ADAMTS3: variants seen among roughly 807,000 people sequenced by gnomAD.
ADAMTS3 encodes the protein ADAM metallopeptidase with thrombospondin type 1 motif 3.
Under a neutral mutation model 129.0 loss-of-function variants are expected in ADAMTS3, and 73 were observed. That is an observed-to-expected ratio of 0.57 (90% CI 0.47 to 0.69). The LOEUF is 0.69. Ranked by LOEUF, ADAMTS3 falls within the 30% of genes least tolerant of loss-of-function variation. ADAMTS3 has a pLI of 0.00. For missense variants in ADAMTS3, 1,457 were observed against 1,514.5 expected, an observed-to-expected ratio of 0.96 and a Z score of 0.63; for synonymous variants, 477 against 510.8, an observed-to-expected ratio of 0.93 and a Z score of 0.89.
chr4:72,497,795 T>C (rs1431934640), intron 3 of ADAMTS3, among the ~76,000 whole-genome samples: 1 of 151,962 alleles, frequency 6.6e-6, no homozygotes, highest in African/African-American at 2.4e-5. Flanking sequence ...CCAGCCTAAT[T>C]TTAACTTCAT....
intron 3 of ADAMTS3, among the ~76,000 whole-genome samples, chr4:72,493,403 T>C (rs890924766): frequency 5.9e-5 from 9 of 151,998 alleles, no homozygotes; most frequent in Non-Finnish European, 1.0e-4. Flanking sequence ...TTTTTCTTTG[T>C]GGTTAGCTCA....
At chr4:72,306,144 T>C in intron 15 of ADAMTS3, 77 bp from the exon 16 acceptor site, 2 of 1,016,360 alleles carry the variant, frequency 2.0e-6, no homozygotes, top group Non-Finnish European at 2.9e-6. Flanking sequence ...GAGCACTACA[T>C]TCTTACTGCT....
intron 6 of ADAMTS3, among the ~76,000 whole-genome samples, chr4:72,321,729 G>C (rs531401561): frequency 2.0e-5 from 3 of 152,032 alleles, no homozygotes; most frequent in Admixed American, 6.6e-5. Context: ...TGAAATCTTA[G>C]TCTATGGAGA....
At chr4:72,539,206 A>T (rs1265553552) in intron 3 of ADAMTS3, among the ~76,000 whole-genome samples, 4 of 152,160 alleles carry the variant, frequency 2.6e-5, no homozygotes, top group Non-Finnish European at 5.9e-5. Flanking sequence ...AGACGCTATT[A>T]ACAGAGTAAA....
chr4:72,293,663 G>C (rs1006906295), intron 19 of ADAMTS3, among the ~76,000 whole-genome samples: 7 of 152,026 alleles, frequency 4.6e-5, no homozygotes, highest in African/African-American at 1.4e-4. Context: ...CACGAGCCAC[G>C]ACTGTAAGGC....
In ADAMTS3 at chr4:72,525,515, T is replaced by G. The variant is rs541007601; in HGVS notation, c.504+22963A>C. Among the ~76,000 whole-genome samples, 13 of 152,292 alleles carry G rather than the reference T, an allele frequency of 8.5e-5. No homozygotes were observed. In the South Asian group the frequency reaches 2.7e-3, roughly 32 times the overall value. Reference sequence around the variant, plus strand: ...TAGAACTGACACTTAAAATAAACTTTTAGGAATACATGTGCTCACCTTCTT... The same window carrying G: ...TAGAACTGACACTTAAAATAAACTTGTAGGAATACATGTGCTCACCTTCTT... On this transcript the variant is annotated intron_variant, in intron 3 of 21. Transcript: ENST00000286657.
intron 17 of ADAMTS3, among the ~76,000 whole-genome samples, chr4:72,302,151 C>T (rs1465029038): frequency 6.6e-6 from 1 of 151,872 alleles, no homozygotes; most frequent in African/African-American, 2.4e-5. Flanking sequence ...AGACACCTTA[C>T]AATTTATCTT....
intron 19 of ADAMTS3, among the ~76,000 whole-genome samples, chr4:72,293,525 C>T (rs1339069107): frequency 1.3e-5 from 2 of 152,120 alleles, no homozygotes; most frequent in Non-Finnish European, 2.9e-5. Context: ...TTTAAACTGG[C>T]TTACACTCCC....
At chr4:72,327,708 C>T (rs963285057) in intron 5 of ADAMTS3, among the ~76,000 whole-genome samples, 1 of 152,152 alleles carries the variant, frequency 6.6e-6, no homozygotes, top group Non-Finnish European at 1.5e-5. Context: ...GGCCACAATG[C>T]TGTCGTTATA....
At chr4:72,552,195 G>A (rs1721661974) in intron 2 of ADAMTS3, among the ~76,000 whole-genome samples, 1 of 152,302 alleles carries the variant, frequency 6.6e-6, no homozygotes, top group East Asian at 1.9e-4. Flanking sequence ...TGCAAAGTCA[G>A]AAAGCACTAA....
chr4:72,304,967 C>A (rs946039366), intron 16 of ADAMTS3, among the ~76,000 whole-genome samples: 1 of 151,934 alleles, frequency 6.6e-6, no homozygotes, highest in African/African-American at 2.4e-5. Flanking sequence ...TAGACTATTA[C>A]GACATTTAGT....
chr4:72,398,387 T>A (rs1415137103), intron 4 of ADAMTS3, among the ~76,000 whole-genome samples: 2 of 151,844 alleles, frequency 1.3e-5, no homozygotes, highest in Non-Finnish European at 2.9e-5. Flanking sequence ...AGAAACCCCG[T>A]CTCTACTAAA....
At chr4:72,461,073 A>G (rs1235508647) in intron 3 of ADAMTS3, among the ~76,000 whole-genome samples, 1 of 151,698 alleles carries the variant, frequency 6.6e-6, no homozygotes, top group Non-Finnish European at 1.5e-5. Context: ...ATAGCTAGCT[A>G]TAGGCATACA....
At chr4:72,362,164 A>AG (rs5859314) in intron 4 of ADAMTS3, among the ~76,000 whole-genome samples, 150,120 of 152,200 alleles carry the variant, frequency 0.99, 74,059 homozygotes, top group Non-Finnish European at 1. Context: ...TCTTTCTACT[A>AG]ATTGTTAAGT....
chr4:72,511,508 G>T (rs1408206612), intron 3 of ADAMTS3, among the ~76,000 whole-genome samples: 1 of 152,166 alleles, frequency 6.6e-6, no homozygotes, highest in Non-Finnish European at 1.5e-5. Flanking sequence ...ACGGACATAC[G>T]AAAACGTGCT....
intron 3 of ADAMTS3, among the ~76,000 whole-genome samples, chr4:72,519,796 G>A (rs1478518375): frequency 6.6e-6 from 1 of 152,158 alleles, no homozygotes; most frequent in Non-Finnish European, 1.5e-5. Flanking sequence ...TCTTCCTGTA[G>A]CTCGGAGTAG....
At chr4:72,299,472 T>C (rs1009811620) in intron 17 of ADAMTS3, among the ~76,000 whole-genome samples, 1 of 152,218 alleles carries the variant, frequency 6.6e-6, no homozygotes, top group Non-Finnish European at 1.5e-5. Context: ...TTTGTTTTCA[T>C]TAGAAATTTT....
Position 72,341,282 on chromosome 4 carries a change from A to G in ADAMTS3, c.662-1589T>C, listed in dbSNP as rs1211257420. Among the ~76,000 whole-genome samples the G allele has an allele frequency of 2.6e-5, 4 of 152,172 alleles. No homozygotes were observed. The East Asian group carries it at 7.7e-4, about 29-fold the overall frequency. On this transcript the variant is annotated intron_variant, in intron 4 of 21. Transcript: ENST00000286657. ...TCTGAATGTGACTACTCAGGTTTAAAAGCTCTACTTTAATTCACTTTGACC... is the reference window on the plus strand; with the variant it reads ...TCTGAATGTGACTACTCAGGTTTAAGAGCTCTACTTTAATTCACTTTGACC...
At chr4:72,456,414 T>C (rs1578697333) in intron 3 of ADAMTS3, among the ~76,000 whole-genome samples, 2 of 142,192 alleles carry the variant, frequency 1.4e-5, no homozygotes, top group Admixed American at 1.5e-4. Flanking sequence ...ATATATAGTA[T>C]ATATATAACA....
Sources: allele counts gnomAD v4.1 joint callset (sites outside exome capture counted in the v4.1 genomes callset), GRCh38; gene constraint gnomAD v4.1.1; transcripts MANE v1.5; gene names NCBI Gene and HGNC (gene_info 2026-07-23, HGNC 2026-07-21).